The following DOCK3 variants were observed in gnomAD, a reference collection of about 807,000 sequenced individuals.
DOCK3 encodes the protein dedicator of cytokinesis 3.
In DOCK3, 60 loss-of-function variants were observed where a neutral mutation model predicts 265.6. The observed-to-expected ratio is 0.23, with a 90% confidence interval of 0.18 to 0.28. DOCK3 has a LOEUF of 0.28. DOCK3 is among the 10% of genes least tolerant of loss of function. The pLI is 1.00. For synonymous variants in DOCK3, 881 were observed against 938.0 expected (o/e 0.94, Z 1.11); for missense variants, 1,981 against 2,594.3 (o/e 0.76, Z 5.14).
At chr3:51,074,814 TAACA>T (rs1288700692) in intron 6 of DOCK3, among the ~76,000 whole-genome samples, 1 of 152,026 alleles carries the variant, frequency 6.6e-6, no homozygotes, top group African/African-American at 2.4e-5. Context: ...ACATCCTGCG[TAACA>T]AACCTGCACA....
chr3:51,046,694 C>T (rs2080789262), intron 5 of DOCK3, among the ~76,000 whole-genome samples: 1 of 152,188 alleles, frequency 6.6e-6, no homozygotes, highest in South Asian at 2.1e-4. Flanking sequence ...ATCAATGAGA[C>T]AGCAGTCCTG....
In DOCK3 at chr3:51,228,643, CT is replaced by C; in HGVS notation, c.1648-17del. On this transcript the variant is annotated splice_polypyrimidine_tract_variant and intron_variant, in intron 17 of 52. Coordinates refer to ENST00000266037, the MANE Select transcript of DOCK3 (RefSeq NM_004947.5). ...TGCATGGCTCAGGGGACATTTTTTT[CT>C]CCATTTTTGCCTACAGTGTGATGAG... The C allele has an allele frequency of 6.3e-7, 1 of 1,599,092 alleles. No individual in the cohort carries two copies. The highest frequency in any genetic ancestry group is 8.5e-7 in the Non-Finnish European group (1 of 1,173,664).
chr3:50,841,552 A>G (rs953253939), intron 2 of DOCK3, 123 bp from the exon 3 acceptor site: 4 of 333,006 alleles, frequency 1.2e-5, no homozygotes, highest in Non-Finnish European at 2.3e-5. Flanking sequence ...CTAGATCCTA[A>G]TAAAGCCACA....
At chr3:50,930,059 TAGGAAGTG>T (rs2050972460) in intron 4 of DOCK3, among the ~76,000 whole-genome samples, 1 of 152,168 alleles carries the variant, frequency 6.6e-6, no homozygotes, top group Non-Finnish European at 1.5e-5. Flanking sequence ...GTAGCTTAGC[TAGGAAGTG>T]AGGAAACCAG....
chr3:51,220,709 G>GTGTGTGTGTGTGTATA (rs1208536854), intron 14 of DOCK3, among the ~76,000 whole-genome samples: 51 of 132,386 alleles, frequency 3.9e-4, no homozygotes, highest in Non-Finnish European at 6.1e-4. Context: ...GTGTGTGTGT[G>GTGTGTGTGTGTGTATA]TATATATATA....
At chr3:50,695,329 G>A (rs2035541274) in intron 1 of DOCK3, among the ~76,000 whole-genome samples, 1 of 152,218 alleles carries the variant, frequency 6.6e-6, no homozygotes, top group African/African-American at 2.4e-5. Flanking sequence ...TTTGCTCTCA[G>A]GTTCCCCTGA....
rs961813507 is a variant in DOCK3, at chr3:50,936,159, TA to T, written c.315+2089del. 2.6e-5 allele frequency among the ~76,000 whole-genome samples: 4 copies of T among 151,606 alleles called. No homozygotes were observed. In the East Asian group the frequency reaches 7.7e-4, roughly 29 times the overall value. On this transcript the variant is annotated intron_variant, in intron 5 of 52. Transcript: ENST00000266037. ...AACTGAAATCTATAATAACCAAAAT[TA>T]AAAAAATATTATATGGGCTCAATAG...
intron 9 of DOCK3, among the ~76,000 whole-genome samples, chr3:51,116,206 C>T (rs1333854199): frequency 2.0e-5 from 3 of 152,078 alleles, no homozygotes; most frequent in Admixed American, 6.5e-5. Flanking sequence ...AATCCTAGCA[C>T]TTTGGGAGGC....
At chr3:50,940,065 A>ATACACACACAAACACAC (rs71633047) in intron 5 of DOCK3, among the ~76,000 whole-genome samples, 1 of 152,118 alleles carries the variant, frequency 6.6e-6, no homozygotes, top group Non-Finnish European at 1.5e-5. Flanking sequence ...AGACACACAC[A>ATACACACACAAACACAC]TACACACACA....
intron 5 of DOCK3, among the ~76,000 whole-genome samples, chr3:50,995,502 G>A (rs2078247876): frequency 6.6e-6 from 1 of 152,194 alleles, no homozygotes; most frequent in African/African-American, 2.4e-5. Flanking sequence ...GAGGTAGAGT[G>A]GAGTGTGGAG....
chr3:51,086,272 G>A (rs13060972), intron 7 of DOCK3, among the ~76,000 whole-genome samples: 126,918 of 152,160 alleles, frequency 0.83, 53,399 homozygotes, highest in East Asian at 0.94. Context: ...ATATAAGAAC[G>A]CCTTTAAGTG....
chr3:51,287,414 C>A (rs980282187), intron 27 of DOCK3, among the ~76,000 whole-genome samples: 8 of 152,064 alleles, frequency 5.3e-5, no homozygotes, highest in Non-Finnish European at 8.8e-5. Context: ...ATTACCCAGA[C>A]ATGGTGACAT....
At chr3:51,064,656 G>A in intron 6 of DOCK3, 60 bp downstream of exon 6, 1 of 1,586,394 alleles carries the variant, frequency 6.3e-7, no homozygotes, top group Non-Finnish European at 8.6e-7. Context: ...CAGTCTTCAG[G>A]GAGTTTGCAC....
intron 4 of DOCK3, among the ~76,000 whole-genome samples, chr3:50,912,067 T>C (rs1324355584): frequency 6.6e-6 from 1 of 152,094 alleles, no homozygotes; most frequent in East Asian, 1.9e-4. Flanking sequence ...TTATAATTAA[T>C]TTTCTGGTAG....
chr3:50,991,297 G>A (rs955016972), intron 5 of DOCK3, among the ~76,000 whole-genome samples: 1 of 152,164 alleles, frequency 6.6e-6, no homozygotes, highest in Admixed American at 6.5e-5. Flanking sequence ...AAAAGGCAGA[G>A]TGGCAAGCTG....
intron 22 of DOCK3, among the ~76,000 whole-genome samples, chr3:51,256,826 C>CTCAGGTGA (rs993722995): frequency 1.3e-5 from 2 of 152,146 alleles, no homozygotes; most frequent in Non-Finnish European, 2.9e-5. Flanking sequence ...GACTCCTGAC[C>CTCAGGTGA]TCAGGTGATC....
At chr3:51,063,749 A>C (rs1202209830) in intron 5 of DOCK3, among the ~76,000 whole-genome samples, 2 of 152,186 alleles carry the variant, frequency 1.3e-5, no homozygotes, top group Non-Finnish European at 2.9e-5. Flanking sequence ...TTCTCATGAC[A>C]CTTATATTTT....
chr3:51,088,925 T>C (rs565721360), intron 7 of DOCK3, among the ~76,000 whole-genome samples: 26 of 152,308 alleles, frequency 1.7e-4, no homozygotes, highest in African/African-American at 6.0e-4. Context: ...GTACAGTATA[T>C]GGAGAGGACA....
intron 3 of DOCK3, among the ~76,000 whole-genome samples, chr3:50,858,422 TATAATAATAATA>T (rs149503894): frequency 5.6e-5 from 7 of 124,068 alleles, no homozygotes; most frequent in Admixed American, 8.1e-5. Flanking sequence ...TAACTTAAAA[TATAATAATAATA>T]ATAATAATAA....
Sources: gnomAD v4.1 joint callset for allele counts (sites outside exome capture counted in the v4.1 genomes callset) on GRCh38, gnomAD v4.1.1 for gene constraint, MANE v1.5 for transcripts, NCBI Gene and HGNC (gene_info 2026-07-23, HGNC 2026-07-21) for gene names.